Variants in CYFIP1 observed in about 807,000 individuals in gnomAD.
CYFIP1 encodes the protein cytoplasmic FMR1-interacting protein 1.
A neutral mutation model predicts 163.5 loss-of-function variants in CYFIP1; 58 were observed. The ratio of observed to expected loss-of-function variants is 0.35; its 90% confidence interval spans 0.29 to 0.44. The LOEUF is 0.44. CYFIP1 is among the 20% of genes least tolerant of loss of function. The pLI, the probability that CYFIP1 is intolerant of heterozygous loss-of-function variation, is 1.00. For missense variants in CYFIP1, 1,338 were observed against 1,653.8 expected (o/e 0.81, Z 3.31); for synonymous variants, 663 against 660.7 (o/e 1.00, Z -0.05).
At position 22,896,512 on chromosome 15, in the gene CYFIP1, T is replaced by C. The variant is rs561868266; in HGVS notation, c.2589-3535A>G. Among the ~76,000 whole-genome samples, 170 of 152,220 alleles carry C rather than the reference T, an allele frequency of 1.1e-3. 3 individuals are homozygous for C. Among genetic ancestry groups the C allele is most frequent in the African/African-American group, 3.9e-3 (161 of 41,542 alleles). ...AGTTTGCTGAGGCCCTTCTCGTTTTTTTCATCATTTTTTTCTTTTGGTGCT... is the reference window on the plus strand; with the variant it reads ...AGTTTGCTGAGGCCCTTCTCGTTTTCTTCATCATTTTTTTCTTTTGGTGCT... On this transcript the variant is annotated intron_variant, in intron 22 of 30. Coordinates refer to ENST00000617928, the MANE Select transcript of CYFIP1 (RefSeq NM_014608.6).
At chr15:22,929,023 A>G (rs1190394544) in intron 11 of CYFIP1, among the ~76,000 whole-genome samples, 1 of 151,956 alleles carries the variant, frequency 6.6e-6, no homozygotes. Context: ...GTTCGAGATC[A>G]GCCTGGCCAA....
intron 22 of CYFIP1, among the ~76,000 whole-genome samples, chr15:22,894,743 TTATAA>T (rs2060181798): frequency 6.7e-6 from 1 of 150,248 alleles, no homozygotes; most frequent in Admixed American, 6.6e-5. Flanking sequence ...CAATTACTCT[TTATAA>T]TATTATTTAA....
chr15:22,964,810 TG>T (rs2062847447), intron 1 of CYFIP1, among the ~76,000 whole-genome samples: 2 of 152,170 alleles, frequency 1.3e-5, no homozygotes, highest in African/African-American at 4.8e-5. Context: ...AGGAGATGGA[TG>T]CCAACCCCAG....
intron 1 of CYFIP1, among the ~76,000 whole-genome samples, chr15:22,958,248 G>A (rs2062551083): frequency 6.6e-6 from 1 of 151,994 alleles, no homozygotes; most frequent in South Asian, 2.1e-4. Flanking sequence ...ACCACACCTG[G>A]CTAATTTTTG....
intron 13 of CYFIP1, among the ~76,000 whole-genome samples, chr15:22,922,860 C>T (rs907596769): frequency 5.3e-5 from 8 of 151,950 alleles, no homozygotes; most frequent in African/African-American, 1.2e-4. Context: ...GGTGTGGTGG[C>T]GCACACCTGT....
chr15:22,932,262 C>T lies in CYFIP1; in HGVS notation c.1071G>A (p.Met357Ile). ...AGCGCGCCAGCTCCGAAATGAAGCG[C>T]ATGTGGTCCTCGCGGATCTGGATCA... ...EQMIQIREDHMRFISELARYS... is the reference protein window; with the variant it reads ...EQMIQIREDHIRFISELARYS... Residue 357 changes from methionine (M) to isoleucine (I), a missense_variant, in exon 11 of 31, where the codon ATG becomes ATA. Physicochemically the swap from Met to Ile is conservative, Grantham distance 10. Coordinates refer to ENST00000617928, the MANE Select transcript of CYFIP1 (RefSeq NM_014608.6). 6.2e-7 allele frequency: 1 copy of T among 1,613,322 alleles called. No homozygotes were observed. The highest frequency in any genetic ancestry group is 1.3e-5 in the African/African-American group (1 of 75,006).
chr15:22,926,323 T>C (rs1270923983), intron 12 of CYFIP1, among the ~76,000 whole-genome samples: 1 of 152,088 alleles, frequency 6.6e-6, no homozygotes, highest in Non-Finnish European at 1.5e-5. Context: ...CCCGGCAAAA[T>C]GGCCTGGATA....
intron 5 of CYFIP1, 56 bp downstream of exon 5, chr15:22,944,502 G>T: frequency 8.5e-7 from 1 of 1,178,640 alleles, no homozygotes; most frequent in Non-Finnish European, 1.3e-6. Flanking sequence ...GGGTAGGAAG[G>T]GGTCAGCAAC....
intron 28 of CYFIP1, among the ~76,000 whole-genome samples, chr15:22,874,138 A>G (rs1237507766): frequency 6.6e-6 from 1 of 152,156 alleles, no homozygotes; most frequent in Non-Finnish European, 1.5e-5. Context: ...CCCAGCCCCC[A>G]CCATAGAGTT....
chr15:22,912,408 A>G, intron 17 of CYFIP1, 133 bp from the exon 18 acceptor site: 1 of 616,314 alleles, frequency 1.6e-6, no homozygotes, highest in South Asian at 2.4e-5. Flanking sequence ...CACTTCAAAC[A>G]CCAGTCCTCC....
chr15:22,920,233 T>A (rs1431646183), intron 13 of CYFIP1, among the ~76,000 whole-genome samples: 1 of 129,882 alleles, frequency 7.7e-6, no homozygotes, highest in Non-Finnish European at 1.6e-5. Flanking sequence ...GGCATGATCA[T>A]AGCTCACTGC....
Position 22,867,932 on chromosome 15 carries a change from A to G in CYFIP1, c.*2096T>C, listed in dbSNP as rs938854334. 1.3e-5 allele frequency: 2 copies of G among 152,242 alleles called. No homozygotes were observed. The highest frequency in any genetic ancestry group is 2.9e-5 in the Non-Finnish European group (2 of 68,038). The allele number at this position is 152,242 out of a possible 1,614,324, so 9.4% of individuals were successfully genotyped here. On this transcript the variant is annotated 3_prime_UTR_variant, in exon 31 of 31. Coordinates refer to ENST00000617928, the MANE Select transcript of CYFIP1 (RefSeq NM_014608.6). ...AAAAAAGGTCTAATGAACTCCATTC[A>G]GCTTTGAACCTATCCACTCATAACC...
At chr15:22,970,188 G>A (rs75158714) in intron 1 of CYFIP1, among the ~76,000 whole-genome samples, 17,133 of 152,048 alleles carry the variant, frequency 0.11, 1,069 homozygotes, top group Non-Finnish European at 0.12. Context: ...ACTTATTCAA[G>A]ATATTAGTCT....
intron 25 of CYFIP1, among the ~76,000 whole-genome samples, chr15:22,881,598 A>G (rs1444709188): frequency 6.6e-6 from 1 of 151,992 alleles, no homozygotes; most frequent in African/African-American, 2.4e-5. Flanking sequence ...TTGGGTGGCA[A>G]TTCTTTCGTA....
chr15:22,939,556 TTAAAAAAAAA>T lies in CYFIP1; in HGVS notation c.570-59_570-50del, dbSNP rs1182803978. 3.7e-4 allele frequency: 151 copies of T among 410,810 alleles called. 2 individuals carry two copies. Among genetic ancestry groups the T allele is most frequent in the East Asian group, 1.5e-3 (37 of 24,542 alleles). 25.4% of individuals were successfully genotyped at this position (410,810 alleles called of 1,614,324 possible). A position where few individuals can be genotyped will look rare whatever the true frequency, so the allele number is the denominator to read the frequency against. ...CCCAAAATGCACCAACGTGCCACAT[TTAAAAAAAAA>T]AAAAAAAAAAAAAAAGCCTGGTTCG... On this transcript the variant is annotated intron_variant, in intron 6 of 30. Transcript: ENST00000617928.
chr15:22,903,607 G>A, intron 22 of CYFIP1, 99 bp downstream of exon 22: 6 of 1,263,350 alleles, frequency 4.7e-6, no homozygotes, highest in Non-Finnish European at 5.7e-6. Context: ...GGAGCAGCAA[G>A]AGCAGGGAGA....
intron 10 of CYFIP1, among the ~76,000 whole-genome samples, chr15:22,932,801 T>A (rs147518653): frequency 1.3e-5 from 2 of 152,326 alleles, no homozygotes; most frequent in East Asian, 3.9e-4. Context: ...CCACATTGTC[T>A]GCAGATGTCA....
Position 22,926,050 on chromosome 15 carries a change from T to G in CYFIP1, c.1291A>C (p.Ser431Arg). The G allele has an allele frequency of 6.2e-7, 1 of 1,614,170 alleles. No homozygotes were observed. The highest frequency in any genetic ancestry group is 2.2e-5 in the East Asian group (1 of 44,890). Residue 431 changes from serine (S) to arginine (R), a missense_variant, in exon 13 of 31, where the codon AGC (serine) becomes CGC (arginine). By Grantham distance (110) the Ser-to-Arg change is moderately radical. Coordinates refer to ENST00000617928, the MANE Select transcript of CYFIP1 (RefSeq NM_014608.6). ...GTGGCACGCTCGTACTCTTCAGCGC[T>G]GTCGGGGCAGTCCTTGTTGGAGTAC... is the stretch of plus-strand genomic sequence containing the variant. The part of the protein sequence containing the change: ...DKYSNKDCPD[S>R]AEEYERATRY...
Position 22,918,812 on chromosome 15 carries a change from T to A in CYFIP1, c.1406A>T (p.Glu469Val). Residue 469 changes from glutamate to valine, a missense_variant, in exon 14 of 31, where the codon GAG becomes GTG. Physicochemically the swap from Glu to Val is moderately radical, Grantham distance 121. This residue lies in a region of CYFIP1 where 824 missense variants were observed against 995.7 expected (regional missense o/e 0.83). Transcript: ENST00000617928. ...CCGGATGGCGTGGTTGAACACGCTC[T>A]CCATCCTGCCCATCAGCACCTGCAG... ...KGLQVLMGRM[E>V]SVFNHAIRHT... is the part of the protein sequence containing the mutation. The A allele has an allele frequency of 6.2e-7, 1 of 1,612,996 alleles. No homozygotes were observed. Among genetic ancestry groups the A allele is most frequent in the Admixed American group, 1.7e-5 (1 of 59,872 alleles).
Sources: gnomAD v4.1 joint callset for allele counts (sites outside exome capture counted in the v4.1 genomes callset) on GRCh38, gnomAD v4.1.1 for gene constraint, gnomAD v4.1.1 regional missense constraint, MANE v1.5 for transcripts, NCBI Gene and HGNC (gene_info 2026-07-23, HGNC 2026-07-21) for gene names.